Variants in PRKACB observed in about 807,000 individuals in gnomAD.
PRKACB encodes cAMP-dependent protein kinase catalytic subunit beta.
PRKACB carries 16 observed loss-of-function variants against 51.4 expected under a neutral mutation model. The ratio of observed to expected loss-of-function variants is 0.31; its 90% CI spans 0.21 to 0.47. The LOEUF (loss-of-function observed/expected upper bound fraction) is 0.47, where lower values mean the gene tolerates loss of function less well. Ranked by LOEUF, PRKACB falls within the 20% of genes least tolerant of loss-of-function variation. The probability of loss-of-function intolerance (pLI) is 1.00; values close to 1 mark genes in which losing one functional copy is unlikely to be tolerated. For synonymous variants in PRKACB, 147 were observed against 154.4 expected, an observed-to-expected ratio of 0.95 and a Z score of 0.35; for missense variants, 309 against 464.5, an observed-to-expected ratio of 0.67 and a Z score of 3.08.
At chr1:84,121,800 G>A (rs1052083888) in intron 1 of PRKACB, among the ~76,000 whole-genome samples, 7 of 152,054 alleles carry the variant, frequency 4.6e-5, no homozygotes, top group Admixed American at 1.3e-4. Context: ...TTCTCTTTGT[G>A]AGAGAAGCCC....
chr1:84,112,575 C>A (rs1481924235), intron 1 of PRKACB, among the ~76,000 whole-genome samples: 1 of 152,094 alleles, frequency 6.6e-6, no homozygotes, highest in African/African-American at 2.4e-5. Flanking sequence ...TGGTTCCTGG[C>A]TAAATCTGGC....
At chr1:84,084,642 A>G (rs1037932576) in intron 1 of PRKACB, among the ~76,000 whole-genome samples, 1 of 152,138 alleles carries the variant, frequency 6.6e-6, no homozygotes, top group African/African-American at 2.4e-5. Flanking sequence ...GAGAAATTTG[A>G]AAAATTGAGC....
chr1:84,130,530 A>G (rs965995984), intron 1 of PRKACB, among the ~76,000 whole-genome samples: 3 of 152,232 alleles, frequency 2.0e-5, no homozygotes, highest in African/African-American at 7.2e-5. Flanking sequence ...CTGTAAAACA[A>G]TATAAAAATG....
intron 9 of PRKACB, among the ~76,000 whole-genome samples, chr1:84,232,858 CTT>C (rs1187494197): frequency 1.3e-5 from 2 of 152,140 alleles, no homozygotes; most frequent in African/African-American, 4.8e-5. Context: ...GGTCTTGACT[CTT>C]TATCCAATTT....
At chr1:84,202,379 G>T (rs1159494140) in intron 7 of PRKACB, among the ~76,000 whole-genome samples, 1 of 151,924 alleles carries the variant, frequency 6.6e-6, no homozygotes, top group Non-Finnish European at 1.5e-5. Flanking sequence ...TATTGAGCAA[G>T]AACTAAATTA....
At chr1:84,124,056 A>T (rs1207680406) in intron 1 of PRKACB, among the ~76,000 whole-genome samples, 1 of 152,142 alleles carries the variant, frequency 6.6e-6, no homozygotes, top group East Asian at 1.9e-4. Context: ...TAGATACCTA[A>T]AGCTATCTCA....
chr1:84,190,839 T>C (rs764072968), intron 5 of PRKACB, among the ~76,000 whole-genome samples: 51 of 152,096 alleles, frequency 3.4e-4, no homozygotes, highest in Non-Finnish European at 6.0e-4. Flanking sequence ...TTTTATTGTA[T>C]GTAAGAATAG....
chr1:84,151,031 A>G (rs1654798519), intron 1 of PRKACB, among the ~76,000 whole-genome samples: 1 of 152,188 alleles, frequency 6.6e-6, no homozygotes, highest in Non-Finnish European at 1.5e-5. Flanking sequence ...GAAATGACTA[A>G]AACAAATGAA....
intron 5 of PRKACB, among the ~76,000 whole-genome samples, chr1:84,189,515 C>T (rs1425406512): frequency 1.3e-5 from 2 of 150,154 alleles, no homozygotes; most frequent in Non-Finnish European, 3.0e-5. Context: ...GAGTTATCAA[C>T]CCAGCCAAGC....
intron 1 of PRKACB, among the ~76,000 whole-genome samples, chr1:84,150,768 C>A (rs1464238545): frequency 6.6e-6 from 1 of 151,968 alleles, no homozygotes; most frequent in Non-Finnish European, 1.5e-5. Flanking sequence ...GAACCATGAG[C>A]CAAAATAAAT....
chr1:84,127,705 C>A (rs1463908230), intron 1 of PRKACB, among the ~76,000 whole-genome samples: 1 of 151,926 alleles, frequency 6.6e-6, no homozygotes. Flanking sequence ...CTGTTGGACT[C>A]TGACTTTTGA....
intron 1 of PRKACB, among the ~76,000 whole-genome samples, chr1:84,084,420 G>A (rs1227596526): frequency 1.3e-5 from 2 of 152,114 alleles, no homozygotes; most frequent in Admixed American, 1.3e-4. Flanking sequence ...AGACACTAGG[G>A]AGCCATCGTG....
intron 9 of PRKACB, among the ~76,000 whole-genome samples, chr1:84,233,898 C>A (rs1389460694): frequency 6.6e-6 from 1 of 150,994 alleles, no homozygotes; most frequent in Non-Finnish European, 1.5e-5. Context: ...TCGTCTGAAG[C>A]CTTCTTCTCT....
chr1:84,202,639 G>GAGTCTTA, intron 7 of PRKACB, 44 bp from the exon 8 acceptor site: 2 of 1,537,966 alleles, frequency 1.3e-6, no homozygotes, highest in Non-Finnish European at 1.8e-6. Context: ...ATTCTCTTTT[G>GAGTCTTA]AGTAACTTAA....
intron 7 of PRKACB, among the ~76,000 whole-genome samples, chr1:84,198,905 CAT>C (rs144984495): frequency 0.018 from 2,563 of 145,746 alleles, 52 homozygotes; most frequent in African/African-American, 0.047. Context: ...TATATATACA[CAT>C]ATGTGTGGTG....
At chr1:84,084,103 G>T (rs1259064669) in intron 1 of PRKACB, among the ~76,000 whole-genome samples, 1 of 152,154 alleles carries the variant, frequency 6.6e-6, no homozygotes, top group Non-Finnish European at 1.5e-5. Context: ...ACTGGGATGG[G>T]GAGGAAGAGG....
chr1:84,078,403 G>T (rs754074071), intron 1 of PRKACB: 1 of 1,605,352 alleles, frequency 6.2e-7, no homozygotes, highest in South Asian at 1.1e-5. Flanking sequence ...GGTATCCGCT[G>T]GGCGGGCCGG....
intron 1 of PRKACB, among the ~76,000 whole-genome samples, chr1:84,095,930 T>A (rs548869221): frequency 8.5e-5 from 13 of 152,218 alleles, no homozygotes; most frequent in Admixed American, 7.9e-4. Flanking sequence ...CAATTTTTAT[T>A]ACCAGTGTGT....
intron 5 of PRKACB, among the ~76,000 whole-genome samples, chr1:84,195,600 T>A (rs1308127180): frequency 1.3e-5 from 2 of 152,158 alleles, no homozygotes; most frequent in Non-Finnish European, 2.9e-5. Flanking sequence ...ATTACACTGA[T>A]CTATTAATCT....
Sources: gnomAD v4.1 joint callset for allele counts (sites outside exome capture counted in the v4.1 genomes callset) on GRCh38, gnomAD v4.1.1 for gene constraint, MANE v1.5 for transcripts, NCBI Gene and HGNC (gene_info 2026-07-23, HGNC 2026-07-21) for gene names.